Variants in TGFBR2 observed in about 807,000 individuals in gnomAD.
TGFBR2 encodes TGF-beta receptor type-2.
TGFBR2 carries 18 observed loss-of-function variants against 49.0 expected under a neutral mutation model. That is an observed-to-expected ratio of 0.37 (90% CI 0.25 to 0.54). TGFBR2 has a LOEUF of 0.54. TGFBR2 is among the 20% of genes least tolerant of loss of function. The pLI is 0.85. For synonymous variants in TGFBR2, 282 were observed against 275.9 expected (o/e 1.02, Z -0.22); for missense variants, 525 against 722.6 (o/e 0.73, Z 3.13).
intron 1 of TGFBR2, among the ~76,000 whole-genome samples, chr3:30,618,231 G>GT (rs397971432): frequency 0.045 from 5,847 of 128,674 alleles, 396 homozygotes; most frequent in African/African-American, 0.15. Context: ...TTTCTTTCTT[G>GT]TTTTTTTTTT....
chr3:30,616,605 T>G (rs986882504), intron 1 of TGFBR2, among the ~76,000 whole-genome samples: 1 of 152,244 alleles, frequency 6.6e-6, no homozygotes, highest in Non-Finnish European at 1.5e-5. Flanking sequence ...GTATTTTCTC[T>G]TCTGAAACAT....
intron 1 of TGFBR2, among the ~76,000 whole-genome samples, chr3:30,634,718 A>C (rs769048473): frequency 6.6e-6 from 1 of 152,190 alleles, no homozygotes; most frequent in Non-Finnish European, 1.5e-5. Context: ...TTCAATAATA[A>C]ATTATTTCCT....
Position 30,635,504 on chromosome 3 carries a change from A to T in TGFBR2, c.95-9243A>T, listed in dbSNP as rs1698511078. Among the ~76,000 whole-genome samples the T allele has an allele frequency of 2.0e-5, 3 of 152,230 alleles. No individual in the cohort carries two copies. In the South Asian group the frequency reaches 6.2e-4, roughly 31 times the overall value. ...GCTGGTAAGTGTTAAATAGGAAAGG[A>T]TGCAATTGAAATTCCAGCTCAGTTA... On this transcript the variant is annotated intron_variant, in intron 1 of 6. Coordinates refer to ENST00000295754, the MANE Select transcript of TGFBR2 (RefSeq NM_003242.6).
In TGFBR2 at chr3:30,691,578, C is replaced by T; in HGVS notation, c.1683C>T (p.Gly561=). 1 of 1,614,104 alleles carries T rather than the reference C, an allele frequency of 6.2e-7. No individual in the cohort carries two copies. The highest frequency in any genetic ancestry group is 8.5e-7 in the Non-Finnish European group (1 of 1,179,996). ...CGGAGGAGAAGATTCCTGAAGACGG[C>T]TCCCTAAACACTACCAAATAGCTCT... The part of the protein sequence containing the change: ...SCSEEKIPED[G]SLNTTK Residue 561 remains glycine, a synonymous_variant, in exon 7 of 7, where the codon GGC becomes GGT. Transcript: ENST00000295754.
intron 1 of TGFBR2, chr3:30,623,323 G>A (rs1227808605): frequency 6.3e-7 from 1 of 1,595,296 alleles, no homozygotes; most frequent in East Asian, 2.2e-5. Context: ...TTTTAGTCAT[G>A]CTCCCTCACT....
Position 30,650,346 on chromosome 3 carries a change from G to C in TGFBR2, c.340G>C (p.Glu114Gln), listed in dbSNP as rs771551560. Reference protein sequence around the residue: ...PKLPYHDFILEDAASPKCIMK... With the variant: ...PKLPYHDFILQDAASPKCIMK... The stretch of plus-strand genomic sequence containing the variant: ...GCTCCCCTACCATGACTTTATTCTG[G>C]AAGATGCTGCTTCTCCAAAGTGCAT... The change falls in exon 3 of 7, where the codon GAA becomes CAA. Residue 114 changes from glutamate (E) to glutamine (Q), a missense_variant. By Grantham distance (29) the Glu-to-Gln change is conservative. This residue lies in a region of TGFBR2 where 376 missense variants were observed against 478.2 expected (regional missense o/e 0.79). Transcript: ENST00000295754. The C allele has an allele frequency of 6.8e-6, 11 of 1,613,734 alleles. No homozygotes were observed. In the Admixed American group the frequency reaches 1.5e-4, roughly 22 times the overall value.
At chr3:30,609,244 A>G (rs1215014426) in intron 1 of TGFBR2, among the ~76,000 whole-genome samples, 1 of 152,220 alleles carries the variant, frequency 6.6e-6, no homozygotes, top group Non-Finnish European at 1.5e-5. Context: ...TTGAAGACAG[A>G]TATATTGAAG....
intron 1 of TGFBR2, among the ~76,000 whole-genome samples, chr3:30,619,720 G>T (rs1446332177): frequency 2.0e-5 from 3 of 151,988 alleles, no homozygotes; most frequent in Non-Finnish European, 4.4e-5. Context: ...CCCTACAACG[G>T]CTCCACCCTT....
chr3:30,606,793 G>A lies in TGFBR2; in HGVS notation c.-91G>A. 1 of 973,974 alleles carries A rather than the reference G, an allele frequency of 1.0e-6. No homozygotes were observed. The highest frequency in any genetic ancestry group is 1.4e-6 in the Non-Finnish European group (1 of 733,148). The allele number at this position is 973,974 out of a possible 1,614,324, so 60.3% of individuals were successfully genotyped here. On this transcript the variant is annotated 5_prime_UTR_variant, in exon 1 of 7. Transcript: ENST00000295754. Reference sequence around the variant, plus strand: ...CTGCCGGCCCGGCGCGGGGTCCGGAGAGGGCGCGGCGCGGAGGCGCAGCCA... The same window carrying A: ...CTGCCGGCCCGGCGCGGGGTCCGGAAAGGGCGCGGCGCGGAGGCGCAGCCA...
At chr3:30,621,278 CT>C (rs10688941) in intron 1 of TGFBR2, among the ~76,000 whole-genome samples, 68 of 116,278 alleles carry the variant, frequency 5.8e-4, no homozygotes, top group South Asian at 1.1e-3. Context: ...TTTTAATATT[CT>C]TTTTTTTTTT....
intron 1 of TGFBR2, among the ~76,000 whole-genome samples, chr3:30,640,068 G>A (rs1698616178): frequency 6.6e-6 from 1 of 152,144 alleles, no homozygotes; most frequent in South Asian, 2.1e-4. Context: ...CTCAAGACCT[G>A]GAACCTCTGT....
intron 1 of TGFBR2, among the ~76,000 whole-genome samples, chr3:30,636,395 C>T (rs1326507566): frequency 2.0e-5 from 3 of 152,084 alleles, no homozygotes; most frequent in Non-Finnish European, 4.4e-5. Context: ...TCTTTATTTT[C>T]TGCCCACATG....
At chr3:30,646,078 G>A (rs1386750089) in intron 2 of TGFBR2, among the ~76,000 whole-genome samples, 2 of 152,110 alleles carry the variant, frequency 1.3e-5, no homozygotes, top group Non-Finnish European at 2.9e-5. Context: ...AGTAACTTAT[G>A]TGTCTCCTGG....
intron 3 of TGFBR2, among the ~76,000 whole-genome samples, chr3:30,654,663 G>A (rs1416103400): frequency 6.6e-6 from 1 of 152,212 alleles, no homozygotes; most frequent in African/African-American, 2.4e-5. Flanking sequence ...TGGATGGCCT[G>A]GTGACAGCTG....
At position 30,691,949 on chromosome 3, in the gene TGFBR2, A is replaced by G. The variant is rs963393357; in HGVS notation, c.*350A>G. ...TATATCTATATATGTCTATAGCTCT[A>G]TATATATAGCCATACCTTGAAAAGA... On this transcript the variant is annotated 3_prime_UTR_variant, in exon 7 of 7. Transcript: ENST00000295754. 1 of 218,552 alleles carries G rather than the reference A, an allele frequency of 4.6e-6. No homozygotes were observed. The highest frequency in any genetic ancestry group is 9.1e-6 in the Non-Finnish European group (1 of 109,350). 13.5% of individuals were successfully genotyped at this position (218,552 alleles called of 1,614,324 possible).
At chr3:30,648,534 T>C (rs75760073) in intron 2 of TGFBR2, among the ~76,000 whole-genome samples, 6,969 of 151,506 alleles carry the variant, frequency 0.046, 221 homozygotes, top group Non-Finnish European at 0.073. Flanking sequence ...CCAAGTAGCT[T>C]TGGGGTTAAA....
intron 3 of TGFBR2, among the ~76,000 whole-genome samples, chr3:30,666,639 C>G (rs189369703): frequency 3.0e-5 from 4 of 135,368 alleles, no homozygotes; most frequent in East Asian, 2.2e-4. Flanking sequence ...CCTACCCCCC[C>G]ATCCCCGCCC....
chr3:30,625,284 A>G (rs1207441445), intron 1 of TGFBR2, among the ~76,000 whole-genome samples: 1 of 152,210 alleles, frequency 6.6e-6, no homozygotes, highest in Non-Finnish European at 1.5e-5. Flanking sequence ...AGTTGCAGGG[A>G]TATATTGCTT....
intron 1 of TGFBR2, among the ~76,000 whole-genome samples, chr3:30,635,240 A>C (rs1034169352): frequency 2.6e-5 from 4 of 152,210 alleles, no homozygotes; most frequent in Admixed American, 6.5e-5. Flanking sequence ...CTTTGGCAAC[A>C]ATGTGTAGAT....
Sources: gnomAD v4.1 joint callset for allele counts (sites outside exome capture counted in the v4.1 genomes callset) on GRCh38, gnomAD v4.1.1 for gene constraint, gnomAD v4.1.1 regional missense constraint, MANE v1.5 for transcripts, NCBI Gene and HGNC (gene_info 2026-07-23, HGNC 2026-07-21) for gene names.